Variants in TMC1 observed in about 807,000 individuals in gnomAD.
TMC1 encodes the protein transmembrane channel-like protein 1.
A neutral mutation model predicts 105.8 loss-of-function variants in TMC1; 84 were observed. That is an observed-to-expected ratio of 0.79 (90% CI 0.67 to 0.95). The LOEUF is 0.95. TMC1 is among the 40% of genes least tolerant of loss of function. The pLI, the probability that TMC1 is intolerant of heterozygous loss-of-function variation, is 0.00. For missense variants in TMC1, 817 were observed against 914.1 expected, an observed-to-expected ratio of 0.89 and a Z score of 1.37; for synonymous variants, 315 against 311.5, an observed-to-expected ratio of 1.01 and a Z score of -0.12.
chr9:72,728,624 C>G (rs1827160330), intron 8 of TMC1, among the ~76,000 whole-genome samples: 1 of 151,964 alleles, frequency 6.6e-6, no homozygotes, highest in East Asian at 1.9e-4. Flanking sequence ...TTGTCTCTAC[C>G]CTTCTATTAT....
intron 13 of TMC1, among the ~76,000 whole-genome samples, chr9:72,784,070 G>A (rs1828132702): frequency 6.6e-6 from 1 of 152,056 alleles, no homozygotes; most frequent in South Asian, 2.1e-4. Flanking sequence ...TGATAGGTGG[G>A]ACCTAATTAA....
intron 8 of TMC1, among the ~76,000 whole-genome samples, chr9:72,713,097 A>C (rs1371026453): frequency 6.6e-6 from 1 of 152,106 alleles, no homozygotes; most frequent in Non-Finnish European, 1.5e-5. Flanking sequence ...CATATGTTGA[A>C]CCAGCCTTGC....
At position 72,553,894 on chromosome 9, in the gene TMC1, C is replaced by T. The variant is rs61092310; in HGVS notation, c.-427-24008C>T. ...CTGCCTAAGTACTGGCGTCTCCCTA[C>T]GACTATTATATCTGAAAACACATTC... On this transcript the variant is annotated intron_variant, in intron 1 of 23. Transcript: ENST00000297784. Among the ~76,000 whole-genome samples the T allele has an allele frequency of 3.9e-4, 59 of 152,276 alleles. No homozygotes were observed. In the East Asian group the frequency reaches 9.8e-3, roughly 25 times the overall value.
At chr9:72,672,174 C>G (rs1826134325) in intron 5 of TMC1, among the ~76,000 whole-genome samples, 1 of 152,160 alleles carries the variant, frequency 6.6e-6, no homozygotes, top group African/African-American at 2.4e-5. Flanking sequence ...CAGTTTTACA[C>G]CTTTTTAGCA....
intron 12 of TMC1, among the ~76,000 whole-genome samples, chr9:72,767,694 C>CTCTGGGGTG (rs1267272895): frequency 6.6e-6 from 1 of 152,132 alleles, no homozygotes; most frequent in Non-Finnish European, 1.5e-5. Context: ...AGCATGGCAC[C>CTCTGGGGTG]CCAGAGTTGG....
intron 2 of TMC1, chr9:72,578,255 C>T (rs916772495): frequency 7.7e-5 from 11 of 142,310 alleles, no homozygotes; most frequent in Non-Finnish European, 1.2e-4. Flanking sequence ...CCTTTGTGCA[C>T]GCGCGCACGC....
intron 1 of TMC1, among the ~76,000 whole-genome samples, chr9:72,572,292 G>T (rs1180743165): frequency 6.6e-6 from 1 of 151,870 alleles, no homozygotes; most frequent in African/African-American, 2.4e-5. Flanking sequence ...TGCCTCCCAG[G>T]TGCAAGCAAT....
chr9:72,609,205 C>CTTCCTTCCTTCCTTCCTTCT (rs1824981209), intron 2 of TMC1, among the ~76,000 whole-genome samples: 1 of 150,422 alleles, frequency 6.6e-6, no homozygotes, highest in African/African-American at 2.5e-5. Context: ...TCCTTCCTTC[C>CTTCCTTCCTTCCTTCCTTCT]TTCCTTCCTT....
chr9:72,724,598 T>C (rs1234142843), intron 8 of TMC1, among the ~76,000 whole-genome samples: 4 of 152,154 alleles, frequency 2.6e-5, no homozygotes, highest in Non-Finnish European at 5.9e-5. Flanking sequence ...ATAATAAATA[T>C]CAGATATAAA....
At chr9:72,525,752 C>T (rs1823396901) in intron 1 of TMC1, among the ~76,000 whole-genome samples, 1 of 152,194 alleles carries the variant, frequency 6.6e-6, no homozygotes, top group Non-Finnish European at 1.5e-5. Context: ...CTTTGGGAGG[C>T]CCAGGCGGGC....
chr9:72,830,808 A>G (rs990768772), intron 23 of TMC1, 126 bp downstream of exon 23: 47 of 818,986 alleles, frequency 5.7e-5, no homozygotes, highest in Non-Finnish European at 8.7e-5. Flanking sequence ...GAGTCATTCC[A>G]CAATCCTTAC....
chr9:72,762,393 C>T (rs1827771328), intron 12 of TMC1, among the ~76,000 whole-genome samples: 1 of 152,136 alleles, frequency 6.6e-6, no homozygotes, highest in Admixed American at 6.5e-5. Context: ...CCAGCTGCTA[C>T]CTTGAAAATG....
chr9:72,677,527 C>T (rs1485993458), intron 5 of TMC1, among the ~76,000 whole-genome samples: 2 of 152,190 alleles, frequency 1.3e-5, no homozygotes, highest in African/African-American at 2.4e-5. Flanking sequence ...CACTTCCACA[C>T]TTTCTTACTA....
chr9:72,562,656 A>G (rs1480816652), intron 1 of TMC1, among the ~76,000 whole-genome samples: 1 of 152,234 alleles, frequency 6.6e-6, no homozygotes, highest in Non-Finnish European at 1.5e-5. Flanking sequence ...GTTATCCCAT[A>G]CATATATACA....
At chr9:72,669,715 G>GA (rs1826099482) in intron 5 of TMC1, among the ~76,000 whole-genome samples, 1 of 150,280 alleles carries the variant, frequency 6.7e-6, no homozygotes, top group Non-Finnish European at 1.5e-5. Flanking sequence ...CATATGACTT[G>GA]AAAAAAAGAA....
At chr9:72,758,444 A>T (rs1474194097) in intron 12 of TMC1, among the ~76,000 whole-genome samples, 1 of 152,236 alleles carries the variant, frequency 6.6e-6, no homozygotes, top group Non-Finnish European at 1.5e-5. Context: ...GTAAAAATCC[A>T]AAAGAATAAA....
intron 13 of TMC1, among the ~76,000 whole-genome samples, chr9:72,784,577 A>G (rs1828140841): frequency 6.6e-6 from 1 of 152,214 alleles, no homozygotes; most frequent in South Asian, 2.1e-4. Flanking sequence ...TAGCCAAGCA[A>G]TCCAATTACT....
chr9:72,536,837 T>C (rs1394774456), intron 1 of TMC1, among the ~76,000 whole-genome samples: 1 of 152,158 alleles, frequency 6.6e-6, no homozygotes, highest in African/African-American at 2.4e-5. Context: ...CTGGTGGCTC[T>C]ATAATTCTGG....
intron 8 of TMC1, among the ~76,000 whole-genome samples, chr9:72,707,309 C>T (rs903569309): frequency 3.3e-5 from 5 of 152,108 alleles, no homozygotes; most frequent in Admixed American, 6.5e-5. Flanking sequence ...GGTAGTTCTA[C>T]TTTTAGTTCT....
Sources: gnomAD v4.1 joint callset for allele counts (sites outside exome capture counted in the v4.1 genomes callset) on GRCh38, gnomAD v4.1.1 for gene constraint, MANE v1.5 for transcripts, NCBI Gene and HGNC (gene_info 2026-07-23, HGNC 2026-07-21) for gene names.